Variants in KHNYN observed in about 807,000 individuals in gnomAD.
KHNYN encodes the protein KH and NYN domain containing.
Under a neutral mutation model 62.7 loss-of-function variants are expected in KHNYN, and 42 were observed. The observed-to-expected ratio is 0.67, with a 90% CI of 0.52 to 0.87. The LOEUF (loss-of-function observed/expected upper bound fraction) is 0.87, where lower values mean the gene tolerates loss of function less well. KHNYN is among the 40% of genes least tolerant of loss of function. The pLI is 0.00. For missense variants in KHNYN, 829 were observed against 874.1 expected (o/e 0.95, Z 0.65); for synonymous variants, 347 against 345.6 (o/e 1.00, Z -0.04).
Position 24,435,998 on chromosome 14 carries a change from G to A in KHNYN, c.1578-74G>A, listed in dbSNP as rs548073344. 6.2e-6 allele frequency: 7 copies of A among 1,132,752 alleles called. 1 individual carries two copies. In the South Asian group the frequency reaches 8.6e-5, roughly 14 times the overall value. 70.2% of individuals were successfully genotyped at this position (1,132,752 alleles called of 1,614,324 possible). Reference sequence around the variant, plus strand: ...AAGTCTAGGCTTTTAATGTAACCATGATCCAAACAGTGAACATTGTACCCA... The same window carrying A: ...AAGTCTAGGCTTTTAATGTAACCATAATCCAAACAGTGAACATTGTACCCA... On this transcript the variant is annotated intron_variant, in intron 5 of 7. Coordinates refer to ENST00000553935, the MANE Select transcript of KHNYN (RefSeq NM_015299.3).
chr14:24,428,605 G>C (rs1430483171), upstream of KHNYN: 2 of 1,044,646 alleles, frequency 1.9e-6, no homozygotes, highest in African/African-American at 1.6e-5. Flanking sequence ...GGAAACCGTC[G>C]GTGGGGTGGT....
At position 24,437,624 on chromosome 14, in the gene KHNYN, GCAGGAAGTGA is replaced by G. The variant is rs1210445379; in HGVS notation, c.*348_*357del. The G allele has an allele frequency of 4.7e-6, 1 of 212,878 alleles. No individual in the cohort carries two copies. Among genetic ancestry groups the G allele is most frequent in the South Asian group, 8.8e-5 (1 of 11,380 alleles). 13.2% of individuals were successfully genotyped at this position (212,878 alleles called of 1,614,324 possible). On this transcript the variant is annotated 3_prime_UTR_variant, in exon 8 of 8. Coordinates refer to ENST00000553935, the MANE Select transcript of KHNYN (RefSeq NM_015299.3). The surrounding 1 kb of genome is among the most constrained non-coding windows in gnomAD (Gnocchi z 5.5). ...TGAGCTAGGGTGGAGGGCAGGGTGG[GCAGGAAGTGA>G]CAGGAAGTTAAGCTGTTCCTCTCCC...
chr14:24,428,550 TG>T (rs2043048628), upstream of KHNYN: 4 of 1,124,498 alleles, frequency 3.6e-6, no homozygotes, highest in Non-Finnish European at 4.9e-6. Flanking sequence ...TCAAAAGAAA[TG>T]GTGAGAAGGG....
At chr14:24,427,064 A>G (rs1397431129), upstream of KHNYN, 1 of 152,408 alleles carries the variant, frequency 6.6e-6, no homozygotes, top group African/African-American at 2.4e-5. This position sits in a 1 kb window ranked among gnomAD's most constrained non-coding sequence, Gnocchi z 4.4. Flanking sequence ...TCTCAGCCAG[A>G]GCAAACACAC....
chr14:24,439,977 A>G lies in KHNYN; in HGVS notation c.*2692A>G, dbSNP rs1412472781. On this transcript the variant is annotated 3_prime_UTR_variant, in exon 8 of 8. Transcript: ENST00000553935. ...AATGGGAAAGAGGACTGGGAGAGGA[A>G]TCTAAGAACCAGATGGCTTCAGCTC... 1 of 865,798 alleles carries G rather than the reference A, an allele frequency of 1.2e-6. No homozygotes were observed. 53.6% of individuals were successfully genotyped at this position (865,798 alleles called of 1,614,324 possible).
At chr14:24,430,509 C>T in intron 1 of KHNYN, 1 of 1,391,896 alleles carries the variant, frequency 7.2e-7, no homozygotes, top group Non-Finnish European at 9.3e-7. Context: ...CGATAGACAG[C>T]CTTGTTTACC....
rs149300558 is a variant in KHNYN, at chr14:24,432,539, G to A, written c.1278G>A (p.Leu426=). The change falls in exon 3 of 8, where the codon CTG becomes CTA. Residue 426 remains leucine, a synonymous_variant. Coordinates refer to ENST00000553935, the MANE Select transcript of KHNYN (RefSeq NM_015299.3). This position sits in a 1 kb window ranked among gnomAD's most constrained non-coding sequence, Gnocchi z 5.6. ...FKEALQDPFT[L]CLANVPGQPD... The stretch of plus-strand genomic sequence containing the variant: ...AGGCCCTGCAGGATCCTTTCACCCT[G>A]TGCCTTGCCAATGTGCCTGGCCAGC... The A allele has an allele frequency of 8.0e-4, 1,296 of 1,611,694 alleles. 14 individuals are homozygous for A. Among genetic ancestry groups the A allele is most frequent in the Admixed American group, 2.3e-4 (14 of 59,974 alleles).
intron 5 of KHNYN, among the ~76,000 whole-genome samples, chr14:24,433,639 T>C (rs2043159938): frequency 6.6e-6 from 1 of 152,328 alleles, no homozygotes; most frequent in Admixed American, 6.5e-5. Flanking sequence ...TCCTTGTGAA[T>C]ATACGAAAAA....
chr14:24,430,978 C>T, intron 2 of KHNYN, 47 bp downstream of exon 2: 4 of 1,550,390 alleles, frequency 2.6e-6, no homozygotes, highest in South Asian at 2.4e-5. Context: ...AGGACGCTTT[C>T]CCCCAGGGCG....
chr14:24,434,872 CTG>C (rs2043181587), intron 5 of KHNYN, among the ~76,000 whole-genome samples: 1 of 152,142 alleles, frequency 6.6e-6, no homozygotes, highest in Admixed American at 6.5e-5. Context: ...GGTGGGAACA[CTG>C]GGAACAAGAT....
rs1179578905 is a variant in KHNYN at position 24,431,680 on chromosome 14, A to G, written c.419A>G (p.Glu140Gly). The change falls in exon 3 of 8, where the codon GAG becomes GGG. Residue 140 changes from glutamate (E) to glycine (G), a missense_variant. Around this residue, in one of 2 missense-constraint regions of KHNYN, gnomAD observed 559 missense variants for 527.0 expected, o/e 1.06. Coordinates refer to ENST00000553935, the MANE Select transcript of KHNYN (RefSeq NM_015299.3). The part of the protein sequence containing the change: ...MAQSRVEELA[E>G]RLSWDFTPGP... ...CAGAGCCGGGTAGAAGAGCTGGCAG[A>G]GCGGCTGAGCTGGGACTTCACGCCA... 6.2e-7 allele frequency: 1 copy of G among 1,614,092 alleles called. No individual in the cohort carries two copies. The highest frequency in any genetic ancestry group is 1.1e-5 in the South Asian group (1 of 91,078).
upstream of KHNYN, chr14:24,428,899 G>T (rs763820466): frequency 1.3e-6 from 2 of 1,582,672 alleles, no homozygotes; most frequent in African/African-American, 2.7e-5. Context: ...CAGCAGCTCG[G>T]CCAGGCTCAC....
At chr14:24,425,951 CATAG>C (rs1486834295), upstream of KHNYN, among the ~76,000 whole-genome samples, 1 of 152,208 alleles carries the variant, frequency 6.6e-6, no homozygotes, top group Non-Finnish European at 1.5e-5. Flanking sequence ...TCCCTACTTA[CATAG>C]ATAAAGAAAA....
At chr14:24,429,361 T>G (rs1243420746), upstream of KHNYN, 3 of 627,540 alleles carry the variant, frequency 4.8e-6, no homozygotes, top group South Asian at 4.6e-5. Context: ...GCAGCCCTGC[T>G]GGATGGGACA....
upstream of KHNYN, chr14:24,429,162 T>TCC (rs2043059599): frequency 7.5e-6 from 9 of 1,193,712 alleles, no homozygotes; most frequent in Non-Finnish European, 1.0e-5. Context: ...CTGCCCTCTC[T>TCC]AGGCTCGCTG....
Position 24,436,165 on chromosome 14 carries a change from A to G in KHNYN, c.1671A>G (p.Ala557=). 1.2e-6 allele frequency: 2 copies of G among 1,613,698 alleles called. No individual in the cohort carries two copies. The highest frequency in any genetic ancestry group is 1.7e-6 in the Non-Finnish European group (2 of 1,179,666). ...DLAEESEKWM[A]IIRERLLPFT... is the part of the protein sequence containing the mutation. ...CGGAGGAGTCTGAGAAGTGGATGGC[A>G]ATCATCAGAGAACGGTGAGGGAGCC... Residue 557 remains alanine (A), a synonymous_variant, in exon 6 of 8, where the codon GCA becomes GCG. Transcript: ENST00000553935.
chr14:24,424,340 C>T (rs1435766575), upstream of KHNYN, among the ~76,000 whole-genome samples: 1 of 152,140 alleles, frequency 6.6e-6, no homozygotes, highest in East Asian at 1.9e-4. Flanking sequence ...TGGTATTTAT[C>T]TTGTATATAT....
chr14:24,430,529 T>G (rs2043087593), intron 1 of KHNYN, 185 bp from the exon 2 acceptor site: 1 of 1,400,170 alleles, frequency 7.1e-7, no homozygotes, highest in African/African-American at 1.5e-5. Flanking sequence ...CGGGACTTCC[T>G]CTCCGGAGAG....
At chr14:24,434,571 AC>A (rs574969868) in intron 5 of KHNYN, 158 of 162,152 alleles carry the variant, frequency 9.7e-4, no homozygotes, top group African/African-American at 3.2e-3. Context: ...TGCCCAGCTA[AC>A]TTTTTGCATT....
Sources: allele counts gnomAD v4.1 joint callset (sites outside exome capture counted in the v4.1 genomes callset), GRCh38; gene constraint gnomAD v4.1.1; regional missense constraint gnomAD v4.1.1; non-coding constraint Gnocchi (gnomAD v3.1); transcripts MANE v1.5; gene names NCBI Gene and HGNC (gene_info 2026-07-23, HGNC 2026-07-21).